TRMT11: variants seen among roughly 807,000 people sequenced by gnomAD.
The protein encoded by TRMT11 is tRNA (guanine(10)-N(2))-methyltransferase TRMT11.
Under a neutral mutation model 62.8 loss-of-function variants are expected in TRMT11, and 53 were observed. That is an observed-to-expected ratio of 0.84 (90% CI 0.68 to 1.06). The LOEUF is 1.06. Ranked by LOEUF, TRMT11 falls within the 50% of genes least tolerant of loss-of-function variation. The pLI is 0.00. For synonymous variants in TRMT11, 188 were observed against 190.3 expected, an observed-to-expected ratio of 0.99 and a Z score of 0.10; for missense variants, 556 against 553.4, an observed-to-expected ratio of 1.00 and a Z score of -0.05.
the TRMT11 span, among the ~76,000 whole-genome samples, chr6:126,265,193 T>C: frequency 1.2e-4 from 18 of 152,162 alleles, 1 homozygote; most frequent in Non-Finnish European, 1.5e-5. Context: ...AATTTCAGGT[T>C]TTGCTATGAA....
chr6:126,122,803 T>C (rs1317687262), intron 21 of TRMT11, among the ~76,000 whole-genome samples: 1 of 152,154 alleles, frequency 6.6e-6, no homozygotes, highest in Non-Finnish European at 1.5e-5. Context: ...TAAATTTATA[T>C]GCCATTTCTT....
the TRMT11 span, among the ~76,000 whole-genome samples, chr6:126,231,030 T>C: frequency 6.6e-6 from 1 of 152,242 alleles, no homozygotes; most frequent in Non-Finnish European, 1.5e-5. Context: ...GACTATGTGA[T>C]CTTTCTTTCA....
chr6:126,220,894 C>T, the TRMT11 span, among the ~76,000 whole-genome samples: 5 of 152,096 alleles, frequency 3.3e-5, no homozygotes, highest in East Asian at 3.9e-4. Flanking sequence ...GGTAGTTTTT[C>T]GATCCTTATT....
chr6:126,144,210 T>A (rs1021927749), intron 21 of TRMT11, among the ~76,000 whole-genome samples: 14 of 152,202 alleles, frequency 9.2e-5, no homozygotes, highest in African/African-American at 3.4e-4. Flanking sequence ...TTCCTTAGCT[T>A]TAAACATTGT....
chr6:126,156,495 CA>C (rs1778123346), intron 21 of TRMT11, among the ~76,000 whole-genome samples: 1 of 152,222 alleles, frequency 6.6e-6, no homozygotes, highest in Admixed American at 6.5e-5. Context: ...AGGCTTATCA[CA>C]AGAACAGACT....
the TRMT11 span, among the ~76,000 whole-genome samples, chr6:126,263,621 C>T: frequency 7.2e-5 from 11 of 152,176 alleles, no homozygotes; most frequent in Non-Finnish European, 1.2e-4. Flanking sequence ...TTCAAATAAG[C>T]GTTCAAGTGC....
intron 1 of TRMT11, among the ~76,000 whole-genome samples, chr6:126,196,676 G>A (rs980437065): frequency 3.9e-5 from 6 of 152,034 alleles, no homozygotes; most frequent in South Asian, 4.2e-4. Context: ...ATTTTCAAGC[G>A]TAAAAGTACA....
chr6:126,020,982 TATG>T (rs560955317), intron 11 of TRMT11, among the ~76,000 whole-genome samples, 175 bp from the exon 12 acceptor site: 2 of 152,260 alleles, frequency 1.3e-5, no homozygotes, highest in Non-Finnish European at 2.9e-5. Context: ...ATTTTTGGGA[TATG>T]ATAAAATTAA....
the TRMT11 span, among the ~76,000 whole-genome samples, chr6:126,266,320 G>A: frequency 2.0e-5 from 3 of 152,138 alleles, no homozygotes; most frequent in East Asian, 5.8e-4. Context: ...TTTAATATAT[G>A]ACTAAATCAC....
downstream of TRMT11, among the ~76,000 whole-genome samples, chr6:126,203,477 C>G (rs889429917): frequency 1.3e-5 from 2 of 152,102 alleles, no homozygotes; most frequent in African/African-American, 4.8e-5. Flanking sequence ...TTCAGCCTAC[C>G]CTGGTCACCA....
chr6:126,128,361 G>A (rs1444075210), intron 21 of TRMT11, among the ~76,000 whole-genome samples: 1 of 152,018 alleles, frequency 6.6e-6, no homozygotes. Flanking sequence ...TCATCACTTA[G>A]AGATAAGAAT....
chr6:126,087,998 CCT>C (rs1777233526), intron 17 of TRMT11, among the ~76,000 whole-genome samples: 1 of 152,072 alleles, frequency 6.6e-6, no homozygotes, highest in African/African-American at 2.4e-5. Context: ...GTATGCATTG[CCT>C]CTCTAATTAG....
At chr6:126,096,512 G>A (rs569768894) in intron 17 of TRMT11, among the ~76,000 whole-genome samples, 179 of 151,768 alleles carry the variant, frequency 1.2e-3, no homozygotes, top group East Asian at 3.5e-3. Context: ...ATTAGGTCAT[G>A]CTACCTCTAA....
the TRMT11 span, among the ~76,000 whole-genome samples, chr6:126,259,385 C>T: frequency 2.1e-3 from 320 of 152,218 alleles, no homozygotes; most frequent in Non-Finnish European, 3.6e-3. Flanking sequence ...TTAGTAGAGA[C>T]GGGATTTTGC....
At chr6:126,204,744 G>A (rs1426870776), downstream of TRMT11, among the ~76,000 whole-genome samples, 1 of 152,156 alleles carries the variant, frequency 6.6e-6, no homozygotes, top group Non-Finnish European at 1.5e-5. Flanking sequence ...TGAGACTTCT[G>A]CCAACATTGT....
At chr6:126,131,697 A>G (rs1050797189) in intron 21 of TRMT11, among the ~76,000 whole-genome samples, 13 of 152,004 alleles carry the variant, frequency 8.6e-5, no homozygotes, top group African/African-American at 3.1e-4. Flanking sequence ...CTCAAAAAGC[A>G]TGTAGCAATT....
At chr6:126,118,973 G>A (rs1389993470) in intron 21 of TRMT11, among the ~76,000 whole-genome samples, 1 of 152,074 alleles carries the variant, frequency 6.6e-6, no homozygotes, top group Non-Finnish European at 1.5e-5. Context: ...CGTTAGCTAG[G>A]TAGGATTTTT....
the TRMT11 span, among the ~76,000 whole-genome samples, chr6:126,254,224 C>T: frequency 6.6e-6 from 1 of 152,050 alleles, no homozygotes; most frequent in Non-Finnish European, 1.5e-5. Context: ...TAAAGGAATG[C>T]TTGGTTAAGG....
chr6:126,179,332 G>C (rs1408305110), intron 1 of TRMT11, among the ~76,000 whole-genome samples: 1 of 152,116 alleles, frequency 6.6e-6, no homozygotes, highest in Non-Finnish European at 1.5e-5. Context: ...TGTGGGTTCA[G>C]ATCTTTAAAA....
Sources: gnomAD v4.1 joint callset for allele counts (sites outside exome capture counted in the v4.1 genomes callset) on GRCh38, gnomAD v4.1.1 for gene constraint, MANE v1.5 for transcripts, NCBI Gene and HGNC (gene_info 2026-07-23, HGNC 2026-07-21) for gene names.